NDRG4: variants seen among roughly 807,000 people sequenced by gnomAD.
NDRG4 encodes protein NDRG4.
NDRG4 carries 38 observed loss-of-function variants against 55.8 expected under a neutral mutation model. That is an observed-to-expected ratio of 0.68 (90% CI 0.53 to 0.89). The LOEUF is 0.89. Ranked by LOEUF, NDRG4 falls within the 40% of genes least tolerant of loss-of-function variation. The pLI is 0.00. For missense variants in NDRG4, 455 were observed against 468.6 expected, an observed-to-expected ratio of 0.97 and a Z score of 0.27; for synonymous variants, 190 against 182.7, an observed-to-expected ratio of 1.04 and a Z score of -0.32.
At chr16:58,472,815 G>C (rs999509649) in intron 1 of NDRG4, among the ~76,000 whole-genome samples, 1 of 152,042 alleles carries the variant, frequency 6.6e-6, no homozygotes, top group Admixed American at 6.5e-5. Flanking sequence ...CCCCATTGCT[G>C]GGGAAGAGCT....
Position 58,510,736 on chromosome 16 carries a change from C to G in NDRG4, c.904+53C>G, listed in dbSNP as rs12597973. 0.42 allele frequency: 631,533 copies of G among 1,489,670 alleles called. 141,280 individuals carry two copies. The highest frequency in any genetic ancestry group is 0.8 in the East Asian group (32,471 of 40,762). The allele number at this position is 1,489,670 out of a possible 1,614,324, so 92.3% of individuals were successfully genotyped here. On this transcript the variant is annotated intron_variant, in intron 14 of 14. Transcript: ENST00000570248. ...ATGGACGCCCAGCCTCCTCCTCCCC[C>G]GCTCCTTCCTCTGCGCAGTGTGCTG...
chr16:58,480,845 T>G (rs1159687040), intron 1 of NDRG4, among the ~76,000 whole-genome samples: 1 of 151,968 alleles, frequency 6.6e-6, no homozygotes, highest in East Asian at 1.9e-4. Flanking sequence ...CCATTACTAC[T>G]AAAAGTACAA....
rs148884288 is a variant in NDRG4, at chr16:58,503,844, G to A, written c.68G>A (p.Arg23Gln). Reference sequence around the variant, plus strand: ...TACGGCCTTCTGCATGTAGTGATCCGGGGCTCCCCCAAGGGGAACCGCCCA... The same window carrying A: ...TACGGCCTTCTGCATGTAGTGATCCAGGGCTCCCCCAAGGGGAACCGCCCA... ...TPYGLLHVVI[R>Q]GSPKGNRPAI... is the part of the protein sequence containing the mutation. The change falls in exon 2 of 15, where the codon CGG (arginine) becomes CAG (glutamine). Residue 23 changes from arginine to glutamine, a missense_variant. By Grantham distance (43) the Arg-to-Gln change is conservative. Transcript: ENST00000570248. 7.9e-5 allele frequency: 127 copies of A among 1,613,756 alleles called. No individual in the cohort carries two copies. Among genetic ancestry groups the A allele is most frequent in the Middle Eastern group, 1.6e-4 (1 of 6,084 alleles).
chr16:58,495,064 C>T (rs768670167), intron 3 of NDRG4: 124 of 1,572,816 alleles, frequency 7.9e-5, no homozygotes, highest in Non-Finnish European at 1.0e-4. Flanking sequence ...AGCCCCTCAC[C>T]CCACCTGGCC....
intron 2 of NDRG4, 71 bp downstream of exon 2, chr16:58,503,974 T>C (rs755853915): frequency 7.5e-6 from 11 of 1,465,162 alleles, no homozygotes; most frequent in Non-Finnish European, 1.0e-5. Context: ...CCCCCCACCC[T>C]CCCCACAGGG....
intron 5 of NDRG4, among the ~76,000 whole-genome samples, chr16:58,505,364 T>TA (rs200722565): frequency 0.025 from 2,349 of 92,128 alleles, 70 homozygotes; most frequent in African/African-American, 0.11. Context: ...AATAAAAAAA[T>TA]AAAAAAAATC....
intron 1 of NDRG4, among the ~76,000 whole-genome samples, chr16:58,467,649 A>G (rs980215337): frequency 3.3e-5 from 5 of 152,190 alleles, no homozygotes; most frequent in Admixed American, 1.3e-4. Flanking sequence ...CCCAGCCCTG[A>G]GCCGGGAGTT....
At chr16:58,511,296 T>G (rs2038772464) in intron 14 of NDRG4, 126 bp from the exon 15 acceptor site, 7 of 1,122,704 alleles carry the variant, frequency 6.2e-6, no homozygotes, top group East Asian at 2.4e-5. Flanking sequence ...GCCTCCTGAC[T>G]CAGGAGGAGC....
At chr16:58,496,657 C>G (rs1295846223), upstream of NDRG4, among the ~76,000 whole-genome samples, 2 of 152,116 alleles carry the variant, frequency 1.3e-5, no homozygotes, top group Non-Finnish European at 2.9e-5. Context: ...CTCCATTTGT[C>G]TACCGCATTT....
intron 1 of NDRG4, among the ~76,000 whole-genome samples, chr16:58,477,182 G>GTA (rs1310783413): frequency 6.6e-6 from 1 of 151,114 alleles, no homozygotes; most frequent in Admixed American, 6.6e-5. Context: ...ATATATGTAT[G>GTA]TGTGTGTGTT....
At chr16:58,509,493 C>T (rs535056402) in intron 13 of NDRG4, 141 bp downstream of exon 13, 26 of 855,104 alleles carry the variant, frequency 3.0e-5, no homozygotes, top group South Asian at 2.6e-4. Flanking sequence ...TTTGTGTGAC[C>T]TGGGCCCCGG....
chr16:58,498,254 G>A (rs941687036), upstream of NDRG4, among the ~76,000 whole-genome samples: 2 of 152,202 alleles, frequency 1.3e-5, no homozygotes, highest in Non-Finnish European at 2.9e-5. Flanking sequence ...AGTGCCTGCA[G>A]GAATGGGGAG....
upstream of NDRG4, chr16:58,499,768 C>A: frequency 4.1e-6 from 1 of 245,314 alleles, no homozygotes; most frequent in East Asian, 1.4e-4. Context: ...CCCTGCCCCG[C>A]ATTGGTAAGC....
At chr16:58,508,248 C>A (rs2038309658) in intron 10 of NDRG4, among the ~76,000 whole-genome samples, 1 of 152,212 alleles carries the variant, frequency 6.6e-6, no homozygotes, top group African/African-American at 2.4e-5. Flanking sequence ...CAGAAGGTCC[C>A]CTCTTCCCTC....
At chr16:58,498,322 G>GGAGC (rs2036636221), upstream of NDRG4, among the ~76,000 whole-genome samples, 1 of 152,178 alleles carries the variant, frequency 6.6e-6, no homozygotes, top group Admixed American at 6.5e-5. Flanking sequence ...GCTGCCCTGG[G>GGAGC]GAGCACAGGG....
In NDRG4 at chr16:58,506,368, G is replaced by T. The variant is rs1243446987; in HGVS notation, c.373-19G>T. ...ACCCATCCTGGCCCCGCCCGGCCCTGTTTCCCCTCTTACTGCAGCTCATCT... is the reference window on the plus strand; with the variant it reads ...ACCCATCCTGGCCCCGCCCGGCCCTTTTTCCCCTCTTACTGCAGCTCATCT... On this transcript the variant is annotated intron_variant, in intron 5 of 14. Coordinates refer to ENST00000570248, the MANE Select transcript of NDRG4 (RefSeq NM_001242835.2). 3.1e-6 allele frequency: 5 copies of T among 1,613,288 alleles called. No individual in the cohort carries two copies. Among genetic ancestry groups the T allele is most frequent in the Non-Finnish European group, 3.4e-6 (4 of 1,179,450 alleles).
At chr16:58,479,136 C>T (rs1048813223) in intron 1 of NDRG4, among the ~76,000 whole-genome samples, 1 of 152,182 alleles carries the variant, frequency 6.6e-6, no homozygotes, top group Non-Finnish European at 1.5e-5. Context: ...TCAAGCAACT[C>T]TCCTGCCTCG....
intron 1 of NDRG4, among the ~76,000 whole-genome samples, chr16:58,465,415 C>T (rs1318015656): frequency 6.6e-6 from 1 of 152,044 alleles, no homozygotes. Flanking sequence ...CCTCGAAAAA[C>T]AATTTTTGTT....
intron 2 of NDRG4, among the ~76,000 whole-genome samples, chr16:58,494,330 C>T (rs1030682894): frequency 1.3e-5 from 2 of 152,140 alleles, no homozygotes; most frequent in Non-Finnish European, 2.9e-5. Flanking sequence ...TCCCTCTTTC[C>T]CCCTCACTGT....
Sources: allele counts gnomAD v4.1 joint callset (sites outside exome capture counted in the v4.1 genomes callset), GRCh38; gene constraint gnomAD v4.1.1; transcripts MANE v1.5; gene names NCBI Gene and HGNC (gene_info 2026-07-23, HGNC 2026-07-21).